Variants in MAGED1 observed in about 807,000 individuals in gnomAD.
MAGED1 encodes melanoma-associated antigen D1.
Under a neutral mutation model 54.1 loss-of-function variants are expected in MAGED1, and 3 were observed. The observed-to-expected ratio is 0.06, with a 90% confidence interval of 0.03 to 0.14. The LOEUF (loss-of-function observed/expected upper bound fraction) is 0.14. Among genes scored for constraint, MAGED1 ranks in the 10% least tolerant of loss-of-function variants. The pLI, the probability that MAGED1 is intolerant of heterozygous loss-of-function variation, is 1.00. For missense variants in MAGED1, 485 were observed against 623.4 expected (o/e 0.78, Z 2.36); for synonymous variants, 217 against 227.3 (o/e 0.95, Z 0.41).
intron 1 of MAGED1, among the ~76,000 whole-genome samples, chrX:51,819,502 C>T (rs1448530631): frequency 9.0e-6 from 1 of 110,689 alleles, no homozygotes; most frequent in Non-Finnish European, 1.9e-5. Context: ...TTCCTCTTCA[C>T]AGTGTCAAGT....
chrX:51,885,915 A>C lies in MAGED1; in HGVS notation c.-36-8354A>C, dbSNP rs782059057. ...GATGAATGGATAAAGAAAATATGGT[A>C]TATATGCACAATGAAATATTATTCA... On this transcript the variant is annotated intron_variant, in intron 1 of 12. Coordinates refer to the MAGED1 transcript ENST00000375772. Among the ~76,000 whole-genome samples the C allele has an allele frequency of 2.7e-5, 3 of 111,052 alleles. No homozygotes were observed. The East Asian group carries it at 8.5e-4, about 32-fold the overall frequency.
chrX:51,825,696 C>T (rs1406012208), intron 1 of MAGED1, among the ~76,000 whole-genome samples: 6 of 111,364 alleles, frequency 5.4e-5, no homozygotes. Context: ...TGCAAAGAGC[C>T]GAAAAGTCAG....
At chrX:51,833,614 A>G (rs1926146183) in intron 1 of MAGED1, among the ~76,000 whole-genome samples, 1 of 111,924 alleles carries the variant, frequency 8.9e-6, no homozygotes. Flanking sequence ...TAAAGTGTCT[A>G]CTTTTTCTCT....
intron 1 of MAGED1, among the ~76,000 whole-genome samples, chrX:51,852,217 T>G (rs1341139923): frequency 9.0e-6 from 1 of 111,674 alleles, no homozygotes; most frequent in Non-Finnish European, 1.9e-5. Flanking sequence ...CGTTGCCATC[T>G]CTCCTCTGAC....
chrX:51,875,368 A>G (rs1193237899), intron 1 of MAGED1, among the ~76,000 whole-genome samples: 1 of 111,020 alleles, frequency 9.0e-6, no homozygotes, highest in African/African-American at 3.3e-5. Flanking sequence ...TGTCACTCCA[A>G]TTCAAGGAAT....
At chrX:51,835,019 C>G (rs1175818045) in intron 1 of MAGED1, among the ~76,000 whole-genome samples, 1 of 111,609 alleles carries the variant, frequency 9.0e-6, no homozygotes, top group African/African-American at 3.3e-5. Flanking sequence ...GAAGTATTTG[C>G]TATTCTTGAA....
chrX:51,850,462 A>G (rs1384071249), intron 1 of MAGED1, among the ~76,000 whole-genome samples: 1 of 112,104 alleles, frequency 8.9e-6, no homozygotes, highest in Non-Finnish European at 1.9e-5. Flanking sequence ...AAATTAATTT[A>G]CTGAGACTAA....
intron 8 of MAGED1, 27 bp from the exon 9 acceptor site, chrX:51,898,258 C>T: frequency 1.7e-6 from 2 of 1,209,741 alleles, no homozygotes; most frequent in Non-Finnish European, 1.1e-6. Flanking sequence ...TTTTCCGTCC[C>T]TTGTCTCCCC....
At chrX:51,894,428 C>A (rs1174439892) in intron 2 of MAGED1, 79 bp downstream of exon 2, 18 of 984,915 alleles carry the variant, frequency 1.8e-5, no homozygotes, top group Non-Finnish European at 2.5e-5. Context: ...GTCTCCCAAA[C>A]GCCGGGATCC....
intron 1 of MAGED1, among the ~76,000 whole-genome samples, chrX:51,826,950 TC>T (rs1179519195): frequency 8.9e-6 from 1 of 112,762 alleles, no homozygotes; most frequent in African/African-American, 3.2e-5. Context: ...GTAGCTTTAT[TC>T]CTAATTGCCA....
chrX:51,887,854 A>C, intron 1 of MAGED1, among the ~76,000 whole-genome samples: 1 of 111,295 alleles, frequency 9.0e-6, no homozygotes, highest in East Asian at 2.8e-4. Context: ...AGGAAAAAAA[A>C]AAACCAATAA....
At chrX:51,859,489 G>A (rs1342955487) in intron 1 of MAGED1, among the ~76,000 whole-genome samples, 1 of 111,721 alleles carries the variant, frequency 9.0e-6, no homozygotes, top group Non-Finnish European at 1.9e-5. Context: ...ATCTTTGATG[G>A]TCATAATGTG....
At chrX:51,835,174 A>T (rs1926202112) in intron 1 of MAGED1, among the ~76,000 whole-genome samples, 1 of 111,796 alleles carries the variant, frequency 8.9e-6, no homozygotes, top group Admixed American at 9.5e-5. Context: ...GTTAAATCCC[A>T]ATAAAGCTGT....
chrX:51,837,468 A>G (rs782229030), intron 1 of MAGED1, among the ~76,000 whole-genome samples: 25 of 111,851 alleles, frequency 2.2e-4, no homozygotes, highest in Non-Finnish European at 3.6e-4. Context: ...CCTGACTCCC[A>G]TTATTAAAGG....
chrX:51,850,795 G>C (rs1368615533), intron 1 of MAGED1, among the ~76,000 whole-genome samples: 2 of 110,816 alleles, frequency 1.8e-5, no homozygotes, highest in African/African-American at 3.3e-5. Flanking sequence ...AGCTACTCGG[G>C]AGGCTGAGGT....
At chrX:51,847,957 G>A (rs1569555713) in intron 1 of MAGED1, among the ~76,000 whole-genome samples, 1 of 112,177 alleles carries the variant, frequency 8.9e-6, no homozygotes, top group Non-Finnish European at 1.9e-5. Context: ...TTACTGTATA[G>A]TAAGTTATGT....
rs782111144 is a variant in MAGED1 at position 51,894,295 on chromosome X, G to A, written c.-10G>A. ...CCCCAGGCTCCGCTCTTGCCAGAGG[G>A]ACAGGAGCCATGGCTCAGAAAATGG... is the stretch of plus-strand genomic sequence containing the variant. On this transcript the variant is annotated 5_prime_UTR_variant, in exon 2 of 13. Coordinates refer to ENST00000326587, the MANE Select transcript of MAGED1 (RefSeq NM_006986.4). The A allele has an allele frequency of 8.4e-7, 1 of 1,195,603 alleles. No homozygotes were observed. Among genetic ancestry groups the A allele is most frequent in the East Asian group, 3.1e-5 (1 of 32,755 alleles).
At chrX:51,832,101 C>T (rs113903308) in intron 1 of MAGED1, among the ~76,000 whole-genome samples, 14,099 of 110,765 alleles carry the variant, frequency 0.13, 735 homozygotes, top group African/African-American at 0.15. Flanking sequence ...GGTGCGCAGG[C>T]GGTTCACTGC....
In MAGED1 at chrX:51,832,329, C is replaced by G. The variant is rs925802536; in HGVS notation, c.-37+29212C>G. 5.4e-5 allele frequency among the ~76,000 whole-genome samples: 6 copies of G among 112,011 alleles called. No individual in the cohort carries two copies. The East Asian group carries it at 1.1e-3, about 21-fold the overall frequency. On this transcript the variant is annotated intron_variant, in intron 1 of 12. Coordinates refer to the MAGED1 transcript ENST00000375772. Reference sequence around the variant, plus strand: ...ACAGGCATGAGCCACTGCACTCGATCTCCTTTAGTTATTTTTAAATATGCG... The same window carrying G: ...ACAGGCATGAGCCACTGCACTCGATGTCCTTTAGTTATTTTTAAATATGCG...
Sources: gnomAD v4.1 joint callset for allele counts (sites outside exome capture counted in the v4.1 genomes callset) on GRCh38, gnomAD v4.1.1 for gene constraint, MANE v1.5 for transcripts, NCBI Gene and HGNC (gene_info 2026-07-23, HGNC 2026-07-21) for gene names.